STX8: variants seen among roughly 807,000 people sequenced by gnomAD.
STX8 encodes syntaxin-8.
In STX8, 23 loss-of-function variants were observed where a neutral mutation model predicts 37.5. The ratio of observed to expected loss-of-function variants is 0.61; its 90% confidence interval spans 0.44 to 0.87. STX8 has a LOEUF of 0.87. STX8 is among the 40% of genes least tolerant of loss of function. The pLI, the probability that STX8 is intolerant of heterozygous loss-of-function variation, is 0.00. For synonymous variants in STX8, 115 were observed against 99.1 expected, an observed-to-expected ratio of 1.16 and a Z score of -0.95; for missense variants, 313 against 284.7, an observed-to-expected ratio of 1.10 and a Z score of -0.71.
intron 6 of STX8, among the ~76,000 whole-genome samples, chr17:9,447,504 C>A (rs1279289465): frequency 6.6e-6 from 1 of 152,184 alleles, no homozygotes; most frequent in East Asian, 1.9e-4. Flanking sequence ...CTCACTGCAA[C>A]CTCGGCCTCC....
intron 6 of STX8, among the ~76,000 whole-genome samples, chr17:9,459,408 G>A (rs748042007): frequency 3.9e-5 from 6 of 152,228 alleles, no homozygotes; most frequent in Non-Finnish European, 5.9e-5. Context: ...TGAAAAACCC[G>A]TGGACTGAAT....
At position 9,521,362 on chromosome 17, in the gene STX8, A is replaced by C. The variant is rs184447528; in HGVS notation, c.324-16200T>G. On this transcript the variant is annotated intron_variant, in intron 4 of 7. Transcript: ENST00000306357. ...ATGAATAGACTGGATATAGGGAATAAAGATTGCCAAACCTATGTGACTTGA... is the reference window on the plus strand; with the variant it reads ...ATGAATAGACTGGATATAGGGAATACAGATTGCCAAACCTATGTGACTTGA... 1.5e-4 allele frequency among the ~76,000 whole-genome samples: 23 copies of C among 152,328 alleles called. No individual in the cohort carries two copies. In the East Asian group the frequency reaches 4.2e-3, roughly 28 times the overall value.
In STX8 at chr17:9,312,416, G is replaced by A. The variant is rs1271423523; in HGVS notation, c.644-61771C>T. On this transcript the variant is annotated intron_variant, in intron 7 of 7. Transcript: ENST00000306357. ...GGGTTTCTCCACGTTGGTCAGGCTG[G>A]TCTCAAACTCCCGACCTCAGGTGAT... 5.3e-5 allele frequency among the ~76,000 whole-genome samples: 8 copies of A among 150,624 alleles called. 1 individual carries two copies. In the South Asian group the frequency reaches 1.7e-3, roughly 32 times the overall value.
intron 7 of STX8, among the ~76,000 whole-genome samples, chr17:9,295,636 G>C (rs1232771655): frequency 6.6e-6 from 1 of 151,424 alleles, no homozygotes; most frequent in Non-Finnish European, 1.5e-5. Context: ...CCAGTTACTC[G>C]GGAGGCTGAG....
chr17:9,361,982 A>T (rs907526589), intron 7 of STX8, among the ~76,000 whole-genome samples: 1 of 152,244 alleles, frequency 6.6e-6, no homozygotes, highest in Non-Finnish European at 1.5e-5. Context: ...TACCCAAAAC[A>T]TCAATTTTAG....
intron 7 of STX8, among the ~76,000 whole-genome samples, chr17:9,299,424 G>A (rs899370507): frequency 1.0e-4 from 15 of 146,102 alleles, no homozygotes; most frequent in Admixed American, 9.8e-4. Context: ...GCCTGCGTCC[G>A]TCTTCATTCT....
chr17:9,406,923 G>C (rs1019829126), intron 6 of STX8, among the ~76,000 whole-genome samples: 1 of 152,170 alleles, frequency 6.6e-6, no homozygotes, highest in Non-Finnish European at 1.5e-5. Context: ...CTGGTTCTGA[G>C]GGGTAAGACT....
At chr17:9,379,049 G>A (rs759338606) in intron 6 of STX8, among the ~76,000 whole-genome samples, 20 of 151,870 alleles carry the variant, frequency 1.3e-4, no homozygotes, top group East Asian at 5.8e-4. Flanking sequence ...GTTCGAGACC[G>A]GCCTGGCCAA....
At chr17:9,424,042 T>A (rs1369606565) in intron 6 of STX8, among the ~76,000 whole-genome samples, 1 of 152,140 alleles carries the variant, frequency 6.6e-6, no homozygotes, top group African/African-American at 2.4e-5. Context: ...TCCCTACACA[T>A]TTTCCAGATG....
chr17:9,254,205 T>C (rs915576784), intron 7 of STX8, among the ~76,000 whole-genome samples: 6 of 152,306 alleles, frequency 3.9e-5, no homozygotes, highest in African/African-American at 1.4e-4. Context: ...CTGTCTCCGG[T>C]GCCCCCAACA....
chr17:9,385,012 A>G (rs1159534307), intron 6 of STX8, among the ~76,000 whole-genome samples: 1 of 148,454 alleles, frequency 6.7e-6, no homozygotes, highest in Admixed American at 6.6e-5. Context: ...TAAAGCTTCT[A>G]AAAGAAAAAA....
At chr17:9,339,070 C>CA (rs34987749) in intron 7 of STX8, among the ~76,000 whole-genome samples, 2,435 of 69,498 alleles carry the variant, frequency 0.035, 150 homozygotes, top group African/African-American at 0.13. Flanking sequence ...GACTCCGTCT[C>CA]AAAAAAAAAA....
At chr17:9,441,842 AT>A (rs558856663) in intron 6 of STX8, among the ~76,000 whole-genome samples, 2 of 151,514 alleles carry the variant, frequency 1.3e-5, no homozygotes, top group African/African-American at 4.8e-5. Flanking sequence ...CGCCCGGCTA[AT>A]TTTTTGTATT....
At chr17:9,367,464 A>G (rs567045800) in intron 7 of STX8, among the ~76,000 whole-genome samples, 1 of 152,060 alleles carries the variant, frequency 6.6e-6, no homozygotes, top group Non-Finnish European at 1.5e-5. Flanking sequence ...CCCTCCAGTC[A>G]GGGCCCCATG....
chr17:9,267,901 G>C (rs181438205), intron 7 of STX8, among the ~76,000 whole-genome samples: 1 of 150,828 alleles, frequency 6.6e-6, no homozygotes, highest in Admixed American at 6.6e-5. Flanking sequence ...TGAGGCAGGA[G>C]AATCACTTGA....
intron 7 of STX8, among the ~76,000 whole-genome samples, chr17:9,255,251 G>A (rs906540040): frequency 6.6e-6 from 1 of 152,148 alleles, no homozygotes; most frequent in Non-Finnish European, 1.5e-5. Context: ...AATGGGCCAG[G>A]CGCTGTGGCT....
At chr17:9,255,527 AAAATAAAT>A (rs1202028600) in intron 7 of STX8, among the ~76,000 whole-genome samples, 2 of 138,618 alleles carry the variant, frequency 1.4e-5, no homozygotes, top group African/African-American at 5.2e-5. Context: ...ACTCCATCTC[AAAATAAAT>A]AAATAAATAA....
At chr17:9,492,875 C>T (rs1327093506) in intron 5 of STX8, among the ~76,000 whole-genome samples, 1 of 152,162 alleles carries the variant, frequency 6.6e-6, no homozygotes, top group Non-Finnish European at 1.5e-5. Flanking sequence ...GCGGGTGGAT[C>T]ACGAGGTCAG....
At chr17:9,451,730 C>T (rs1905047217) in intron 6 of STX8, among the ~76,000 whole-genome samples, 1 of 151,910 alleles carries the variant, frequency 6.6e-6, no homozygotes, top group Non-Finnish European at 1.5e-5. Flanking sequence ...TTTTTGAATA[C>T]TTCATAAACA....
Sources: gnomAD v4.1 joint callset for allele counts (sites outside exome capture counted in the v4.1 genomes callset) on GRCh38, gnomAD v4.1.1 for gene constraint, MANE v1.5 for transcripts, NCBI Gene and HGNC (gene_info 2026-07-23, HGNC 2026-07-21) for gene names.